The following CCDC73 variants were observed in gnomAD, a reference collection of about 807,000 sequenced individuals.
The protein encoded by CCDC73 is coiled-coil domain containing 73.
CCDC73 carries 95 observed loss-of-function variants against 116.5 expected under a neutral mutation model. The observed-to-expected ratio is 0.82, with a 90% confidence interval of 0.69 to 0.97. The LOEUF (loss-of-function observed/expected upper bound fraction) is 0.97, where lower values mean the gene tolerates loss of function less well. CCDC73 is among the 50% of genes least tolerant of loss of function. The pLI is 0.00. For missense variants in CCDC73, 1,066 were observed against 1,206.8 expected, an observed-to-expected ratio of 0.88 and a Z score of 1.73; for synonymous variants, 398 against 401.3, an observed-to-expected ratio of 0.99 and a Z score of 0.10.
chr11:32,657,660 G>A (rs1481423028), intron 9 of CCDC73, among the ~76,000 whole-genome samples: 2 of 151,866 alleles, frequency 1.3e-5, no homozygotes, highest in Non-Finnish European at 1.5e-5. Context: ...GCTATAAAGA[G>A]AAAGAGAATG....
At chr11:32,792,879 C>G (rs549049163) in intron 1 of CCDC73, among the ~76,000 whole-genome samples, 1 of 152,252 alleles carries the variant, frequency 6.6e-6, no homozygotes, top group African/African-American at 2.4e-5. Flanking sequence ...CTGGGAATAC[C>G]TACGGTACAG....
intron 14 of CCDC73, among the ~76,000 whole-genome samples, chr11:32,629,060 T>C (rs573109319): frequency 3.4e-4 from 52 of 152,074 alleles, no homozygotes; most frequent in African/African-American, 1.2e-3. Context: ...AGATTAGACA[T>C]TTAAAAAAGA....
At chr11:32,757,233 A>G (rs1051649503) in intron 2 of CCDC73, among the ~76,000 whole-genome samples, 2 of 152,168 alleles carry the variant, frequency 1.3e-5, no homozygotes, top group African/African-American at 4.8e-5. Flanking sequence ...AATCTAGAAC[A>G]GAGATAAGCT....
chr11:32,614,425 C>T lies in CCDC73; in HGVS notation c.1893G>A (p.Ser631=), dbSNP rs374132996. ...NSDQTKADLD[S]SLDIKKNPVP... ...CAGGATTTTTTTTTATATCTAGAGA[C>T]GAGTCCAAATCTGCTTTGGTTTGGT... is the stretch of plus-strand genomic sequence containing the variant. Residue 631 remains serine (S), a synonymous_variant, in exon 16 of 18, where the codon TCG becomes TCA. Coordinates refer to ENST00000335185, the MANE Select transcript of CCDC73 (RefSeq NM_001008391.4). 9.9e-6 allele frequency: 16 copies of T among 1,613,218 alleles called. No individual in the cohort carries two copies. Among genetic ancestry groups the T allele is most frequent in the African/African-American group, 5.3e-5 (4 of 74,800 alleles).
chr11:32,676,898 C>T (rs886653058), intron 7 of CCDC73, among the ~76,000 whole-genome samples: 3 of 152,330 alleles, frequency 2.0e-5, no homozygotes, highest in African/African-American at 7.2e-5. Flanking sequence ...TTAGACCTTA[C>T]TTATATAATA....
chr11:32,622,250 G>A (rs1375583700), intron 14 of CCDC73, among the ~76,000 whole-genome samples: 1 of 152,082 alleles, frequency 6.6e-6, no homozygotes, highest in African/African-American at 2.4e-5. Context: ...CAAAGACACG[G>A]AACCAGTCCA....
At chr11:32,691,831 G>A (rs904096421) in intron 6 of CCDC73, among the ~76,000 whole-genome samples, 10 of 151,978 alleles carry the variant, frequency 6.6e-5, no homozygotes, top group African/African-American at 9.7e-5. Context: ...GGCGGATCAC[G>A]AGGTTAGGAG....
At chr11:32,637,009 TTC>T (rs145702312) in intron 13 of CCDC73, among the ~76,000 whole-genome samples, 30,510 of 129,066 alleles carry the variant, frequency 0.24, 3,889 homozygotes, top group Non-Finnish European at 0.26. Context: ...GTTTCACTTT[TTC>T]TTTTTCTTTT....
chr11:32,825,539 T>C, the CCDC73 span, among the ~76,000 whole-genome samples: 2 of 152,104 alleles, frequency 1.3e-5, no homozygotes, highest in African/African-American at 4.8e-5. Context: ...CGACTTCAGG[T>C]GATCCACCTG....
chr11:32,674,930 C>T (rs1268398128), intron 9 of CCDC73, among the ~76,000 whole-genome samples: 1 of 152,130 alleles, frequency 6.6e-6, no homozygotes, highest in East Asian at 1.9e-4. Flanking sequence ...CATGATGCTC[C>T]AGCCATATCA....
At chr11:32,697,533 G>C (rs935160351) in intron 6 of CCDC73, among the ~76,000 whole-genome samples, 1 of 143,032 alleles carries the variant, frequency 7.0e-6, no homozygotes, top group African/African-American at 2.6e-5. Context: ...ACCCAGGCTG[G>C]AGTACAGTGA....
At chr11:32,776,986 C>CGT (rs1850540287) in intron 1 of CCDC73, among the ~76,000 whole-genome samples, 11 of 95,764 alleles carry the variant, frequency 1.1e-4, no homozygotes, top group East Asian at 3.1e-4. Context: ...TATATATACA[C>CGT]ATGTATATAT....
Position 32,789,421 on chromosome 11 carries a change from TA to T in CCDC73, c.-16+5191del, listed in dbSNP as rs1280214185. ...ACAAAGAAAAATGTATTCGTTCATTTAACAAACATTTATTGAGTCTCTTCTA... is the reference window on the plus strand; with the variant it reads ...ACAAAGAAAAATGTATTCGTTCATTTACAAACATTTATTGAGTCTCTTCTA... On this transcript the variant is annotated intron_variant, in intron 1 of 17. Coordinates refer to ENST00000335185, the MANE Select transcript of CCDC73 (RefSeq NM_001008391.4). Among the ~76,000 whole-genome samples, 10 of 152,322 alleles carry T rather than the reference TA, an allele frequency of 6.6e-5. No individual in the cohort carries two copies. The East Asian group carries it at 1.9e-3, about 29-fold the overall frequency.
intron 2 of CCDC73, among the ~76,000 whole-genome samples, chr11:32,722,460 G>A (rs1849998265): frequency 1.3e-5 from 2 of 152,136 alleles, no homozygotes; most frequent in African/African-American, 4.8e-5. Flanking sequence ...TCACAGTCAT[G>A]AGAGGTGGAC....
intron 2 of CCDC73, among the ~76,000 whole-genome samples, chr11:32,746,349 G>A (rs1156349849): frequency 3.3e-5 from 5 of 152,132 alleles, no homozygotes; most frequent in African/African-American, 1.2e-4. Context: ...CTTTCTGGCT[G>A]CCCTTAACAT....
chr11:32,726,530 TAGAC>T (rs1392969259), intron 2 of CCDC73, among the ~76,000 whole-genome samples: 35 of 152,118 alleles, frequency 2.3e-4, no homozygotes, highest in Non-Finnish European at 4.3e-4. Flanking sequence ...ATGGAAAACA[TAGAC>T]AGAAAAATTA....
intron 6 of CCDC73, among the ~76,000 whole-genome samples, chr11:32,689,544 A>G (rs1471645359): frequency 6.6e-6 from 1 of 152,134 alleles, no homozygotes; most frequent in African/African-American, 2.4e-5. Context: ...TTAGAGACAT[A>G]AAAGATAAAT....
At chr11:32,762,081 C>A (rs888634657) in intron 1 of CCDC73, among the ~76,000 whole-genome samples, 2 of 152,186 alleles carry the variant, frequency 1.3e-5, no homozygotes, top group Non-Finnish European at 2.9e-5. Context: ...ATGTAGACTG[C>A]TGTTTGACCC....
chr11:32,683,739 C>T (rs1216201451), intron 6 of CCDC73, among the ~76,000 whole-genome samples, 165 bp from the exon 7 acceptor site: 5 of 152,126 alleles, frequency 3.3e-5, no homozygotes, highest in Non-Finnish European at 5.9e-5. Context: ...TAGATACTTT[C>T]CTAGACTCCT....
Sources: gnomAD v4.1 joint callset for allele counts (sites outside exome capture counted in the v4.1 genomes callset) on GRCh38, gnomAD v4.1.1 for gene constraint, MANE v1.5 for transcripts, NCBI Gene and HGNC (gene_info 2026-07-23, HGNC 2026-07-21) for gene names.